TSPAN15: variants seen among roughly 807,000 people sequenced by gnomAD.
TSPAN15 encodes tetraspanin-15.
In TSPAN15, 20 loss-of-function variants were observed where a neutral mutation model predicts 34.5. That is an observed-to-expected ratio of 0.58 (90% CI 0.41 to 0.84). TSPAN15 has a LOEUF of 0.84. Ranked by LOEUF, TSPAN15 falls within the 40% of genes least tolerant of loss-of-function variation. The probability of loss-of-function intolerance (pLI) is 0.00; values close to 1 mark genes in which losing one functional copy is unlikely to be tolerated. For synonymous variants in TSPAN15, 155 were observed against 153.9 expected (o/e 1.01, Z -0.05); for missense variants, 313 against 386.1 (o/e 0.81, Z 1.59).
At chr10:69,470,469 G>A (rs991550500) in intron 1 of TSPAN15, among the ~76,000 whole-genome samples, 1 of 152,070 alleles carries the variant, frequency 6.6e-6, no homozygotes, top group African/African-American at 2.4e-5. Context: ...AAAATACACT[G>A]CCTGCTTCTA....
Position 69,487,614 on chromosome 10 carries a change from A to G in TSPAN15, c.357+2399A>G, listed in dbSNP as rs577397832. Among the ~76,000 whole-genome samples the G allele has an allele frequency of 5.3e-5, 8 of 152,350 alleles. No individual in the cohort carries two copies. The South Asian group carries it at 1.4e-3, about 28-fold the overall frequency. Reference sequence around the variant, plus strand: ...GCAGCGTCCACGGCCTTCATAAACTATCCTCCAATGATGGGCAGCAGTTCT... The same window carrying G: ...GCAGCGTCCACGGCCTTCATAAACTGTCCTCCAATGATGGGCAGCAGTTCT... On this transcript the variant is annotated intron_variant, in intron 3 of 7. Transcript: ENST00000373290.
intron 4 of TSPAN15, among the ~76,000 whole-genome samples, chr10:69,497,632 T>G (rs1842115316): frequency 6.6e-6 from 1 of 152,190 alleles, no homozygotes. Context: ...CTGGAATGTG[T>G]TCCACCTGAG....
At chr10:69,536,987 A>G in the TSPAN15 span, among the ~76,000 whole-genome samples, 1 of 113,162 alleles carries the variant, frequency 8.8e-6, no homozygotes, top group African/African-American at 2.8e-5. Context: ...TACATCTTGA[A>G]AAAAAAAAAA....
intron 1 of TSPAN15, among the ~76,000 whole-genome samples, chr10:69,452,554 G>T (rs2033371): frequency 1.3e-4 from 19 of 151,942 alleles, no homozygotes; most frequent in Admixed American, 1.2e-3. Flanking sequence ...CGGAGATTAC[G>T]TGAAATAGGC....
At position 69,507,255 on chromosome 10, in the gene TSPAN15, G is replaced by C. The variant is rs1189581514; in HGVS notation, c.*277G>C. ...CTCCTTTCTCCAGGCCTGGGCTACG[G>C]GGGAGGGAGAGCCTGAGGCTCTGCT... On this transcript the variant is annotated 3_prime_UTR_variant, in exon 8 of 8. Transcript: ENST00000373290. 9 of 1,351,552 alleles carry C rather than the reference G, an allele frequency of 6.7e-6. No homozygotes were observed. The Admixed American group carries it at 2.3e-4, about 35-fold the overall frequency. The allele number at this position is 1,351,552 out of a possible 1,614,324, so 83.7% of individuals were successfully genotyped here.
chr10:69,490,893 C>T (rs1426068554), intron 3 of TSPAN15, among the ~76,000 whole-genome samples: 6 of 152,224 alleles, frequency 3.9e-5, no homozygotes, highest in Non-Finnish European at 7.3e-5. Flanking sequence ...TTTGAATCTG[C>T]GGGTACGGAA....
chr10:69,543,837 G>A, the TSPAN15 span, among the ~76,000 whole-genome samples: 1 of 146,994 alleles, frequency 6.8e-6, no homozygotes, highest in Non-Finnish European at 1.5e-5. Flanking sequence ...AGGGAAGGAA[G>A]AAGGGGAGTG....
chr10:69,510,634 G>C (rs1197507857), downstream of TSPAN15, among the ~76,000 whole-genome samples: 1 of 152,228 alleles, frequency 6.6e-6, no homozygotes, highest in African/African-American at 2.4e-5. Context: ...TGGTGAGAGA[G>C]GGCATCCTTG....
the TSPAN15 span, among the ~76,000 whole-genome samples, chr10:69,515,002 A>C: frequency 6.6e-6 from 1 of 152,210 alleles, no homozygotes; most frequent in Middle Eastern, 3.4e-3. Context: ...CACTTGCCCC[A>C]AATTGCTCTC....
chr10:69,493,347 C>T (rs577584735), intron 3 of TSPAN15, among the ~76,000 whole-genome samples: 5 of 152,216 alleles, frequency 3.3e-5, no homozygotes, highest in African/African-American at 9.6e-5. Context: ...GCCTGCATCT[C>T]CTCTCTTCTC....
chr10:69,467,887 T>TA (rs58306291), intron 1 of TSPAN15, among the ~76,000 whole-genome samples: 1 of 151,712 alleles, frequency 6.6e-6, no homozygotes, highest in African/African-American at 2.4e-5. Flanking sequence ...TTCTTTTTCA[T>TA]AAAAAATGTC....
chr10:69,507,405 G>A lies in TSPAN15; in HGVS notation c.*427G>A. The stretch of plus-strand genomic sequence containing the variant: ...AGGGAAGGGCATCTGGGGAAGGGCA[G>A]GAGGGAAGAGCTGTCCATGCAGCCA... On this transcript the variant is annotated 3_prime_UTR_variant, in exon 8 of 8. Transcript: ENST00000373290. The A allele has an allele frequency of 8.1e-7, 1 of 1,240,548 alleles. No individual in the cohort carries two copies. The highest frequency in any genetic ancestry group is 3.1e-5 in the Admixed American group (1 of 32,024). The allele number at this position is 1,240,548 out of a possible 1,614,324, so 76.8% of individuals were successfully genotyped here. A position where few individuals can be genotyped will look rare whatever the true frequency, so the allele number is the denominator to read the frequency against.
At chr10:69,544,649 A>G in the TSPAN15 span, among the ~76,000 whole-genome samples, 2 of 152,192 alleles carry the variant, frequency 1.3e-5, no homozygotes, top group East Asian at 3.9e-4. Flanking sequence ...CTCTTCCGGA[A>G]AAGAGAGGCA....
chr10:69,535,355 A>G, the TSPAN15 span, among the ~76,000 whole-genome samples: 1 of 152,200 alleles, frequency 6.6e-6, no homozygotes, highest in Non-Finnish European at 1.5e-5. Flanking sequence ...GTGAGCTTCA[A>G]TGAGGGTAAT....
At chr10:69,520,833 A>T in the TSPAN15 span, among the ~76,000 whole-genome samples, 1 of 152,242 alleles carries the variant, frequency 6.6e-6, no homozygotes, top group Non-Finnish European at 1.5e-5. Context: ...TTGGGAGTAT[A>T]CATCTAGAAG....
chr10:69,458,378 C>G (rs756854292), intron 1 of TSPAN15, among the ~76,000 whole-genome samples: 6 of 152,244 alleles, frequency 3.9e-5, no homozygotes, highest in African/African-American at 1.2e-4. Context: ...CCCTTTGATT[C>G]TACCACTGGG....
chr10:69,459,992 C>T (rs529447008), intron 1 of TSPAN15, among the ~76,000 whole-genome samples: 17 of 150,568 alleles, frequency 1.1e-4, no homozygotes, highest in Admixed American at 3.3e-4. Flanking sequence ...ACCTGGGAGC[C>T]TTGCATTGCT....
chr10:69,462,586 C>T (rs543376856), intron 1 of TSPAN15, among the ~76,000 whole-genome samples: 23 of 152,286 alleles, frequency 1.5e-4, no homozygotes, highest in Non-Finnish European at 2.4e-4. Context: ...CCGCCCGCCT[C>T]GGCCTCCCAA....
chr10:69,525,269 AAAG>A, the TSPAN15 span, among the ~76,000 whole-genome samples: 2 of 147,894 alleles, frequency 1.4e-5, no homozygotes, highest in African/African-American at 4.9e-5. Context: ...ATTATCAACA[AAAG>A]GAGAACAAAT....
Sources: gnomAD v4.1 joint callset for allele counts (sites outside exome capture counted in the v4.1 genomes callset) on GRCh38, gnomAD v4.1.1 for gene constraint, MANE v1.5 for transcripts, NCBI Gene and HGNC (gene_info 2026-07-23, HGNC 2026-07-21) for gene names.